Variants in SLC28A1 observed in about 807,000 individuals in gnomAD.
SLC28A1 encodes solute carrier family 28 member 1.
A neutral mutation model predicts 74.8 loss-of-function variants in SLC28A1; 64 were observed. The ratio of observed to expected loss-of-function variants is 0.86; its 90% CI spans 0.70 to 1.05. SLC28A1 has a LOEUF of 1.05. Ranked by LOEUF, SLC28A1 falls within the 50% of genes least tolerant of loss-of-function variation. The pLI is 0.00. For missense variants in SLC28A1, 828 were observed against 822.8 expected (o/e 1.01, Z -0.08); for synonymous variants, 359 against 335.0 (o/e 1.07, Z -0.78).
intron 1 of SLC28A1, among the ~76,000 whole-genome samples, chr15:84,885,560 C>A (rs1964496953): frequency 6.6e-6 from 1 of 151,668 alleles, no homozygotes; most frequent in Non-Finnish European, 1.5e-5. Flanking sequence ...GGAGAAACCC[C>A]ATCTCTACTA....
downstream of SLC28A1, among the ~76,000 whole-genome samples, chr15:84,950,457 C>T (rs1393771375): frequency 6.6e-6 from 1 of 151,392 alleles, no homozygotes; most frequent in Non-Finnish European, 1.5e-5. Context: ...GGCGCGGTAG[C>T]TCAGGCCTGT....
At chr15:84,956,468 C>CTTTCTTTCTTTCT in the SLC28A1 span, among the ~76,000 whole-genome samples, 4 of 67,054 alleles carry the variant, frequency 6.0e-5, no homozygotes, top group Admixed American at 5.3e-4. Context: ...TCTTTCTTTC[C>CTTTCTTTCTTTCT]TTCTTTCTTT....
chr15:84,928,025 A>G (rs1490138587), intron 12 of SLC28A1, among the ~76,000 whole-genome samples: 1 of 152,224 alleles, frequency 6.6e-6, no homozygotes, highest in African/African-American at 2.4e-5. Context: ...GTCATTACTT[A>G]GAACTTAAAC....
At chr15:84,925,617 G>T (rs542008770) in intron 12 of SLC28A1, among the ~76,000 whole-genome samples, 3 of 152,160 alleles carry the variant, frequency 2.0e-5, no homozygotes, top group East Asian at 1.9e-4. Context: ...GAAAAGAAAT[G>T]ATGGGGGTGG....
At chr15:84,902,306 C>G (rs544666714) in intron 6 of SLC28A1, among the ~76,000 whole-genome samples, 273 of 152,220 alleles carry the variant, frequency 1.8e-3, no homozygotes, top group Non-Finnish European at 3.1e-3. Context: ...ATGGTGAAAT[C>G]CCATCTCTTC....
intron 11 of SLC28A1, among the ~76,000 whole-genome samples, chr15:84,921,910 C>G (rs1183423402): frequency 6.6e-6 from 1 of 152,172 alleles, no homozygotes; most frequent in Non-Finnish European, 1.5e-5. Context: ...ATATGAAAGG[C>G]TGCAAATGTG....
At chr15:84,969,234 C>T in the SLC28A1 span, among the ~76,000 whole-genome samples, 9 of 152,288 alleles carry the variant, frequency 5.9e-5, no homozygotes, top group South Asian at 1.7e-3. Context: ...TTCCTAGCAA[C>T]CAGGAGAATT....
intron 9 of SLC28A1, 49 bp downstream of exon 9, chr15:84,908,844 G>A (rs749440317): frequency 2.7e-5 from 40 of 1,485,342 alleles, no homozygotes; most frequent in Non-Finnish European, 3.7e-5. Flanking sequence ...ACCGCCCAGC[G>A]ACTCCAGCTA....
At chr15:84,902,708 A>G (rs571458909) in intron 6 of SLC28A1, among the ~76,000 whole-genome samples, 2 of 151,850 alleles carry the variant, frequency 1.3e-5, no homozygotes, top group South Asian at 4.2e-4. Flanking sequence ...GTTAAAAATA[A>G]AAAATCTGAG....
intron 9 of SLC28A1, among the ~76,000 whole-genome samples, chr15:84,909,818 G>A (rs931959505): frequency 8.5e-5 from 13 of 152,254 alleles, no homozygotes; most frequent in East Asian, 3.8e-4. Context: ...ATCCGGGACC[G>A]CCATCACCAT....
At chr15:84,942,834 C>T (rs911387222) in intron 15 of SLC28A1, among the ~76,000 whole-genome samples, 1 of 152,084 alleles carries the variant, frequency 6.6e-6, no homozygotes, top group Non-Finnish European at 1.5e-5. Context: ...AGGGCCAAAG[C>T]GACAGGACTA....
chr15:84,907,196 C>T (rs998892968), intron 8 of SLC28A1, among the ~76,000 whole-genome samples: 5 of 152,174 alleles, frequency 3.3e-5, no homozygotes, highest in African/African-American at 1.2e-4. Flanking sequence ...TGATGTGGAA[C>T]TTTATAGCAT....
chr15:84,946,443 C>T (rs562957025), downstream of SLC28A1, among the ~76,000 whole-genome samples: 123 of 152,144 alleles, frequency 8.1e-4, no homozygotes, highest in African/African-American at 2.8e-3. Context: ...ACAACAACTT[C>T]ATGCAGTAGG....
chr15:84,889,665 CTTCCTTCCTTCT>C (rs1965061413), intron 4 of SLC28A1, among the ~76,000 whole-genome samples: 6 of 121,340 alleles, frequency 4.9e-5, no homozygotes, highest in South Asian at 5.4e-4. Flanking sequence ...CTTTTCTTTC[CTTCCTTCCTTCT>C]TTCCTTCCTT....
chr15:84,951,183 C>G, the SLC28A1 span, among the ~76,000 whole-genome samples: 1 of 152,056 alleles, frequency 6.6e-6, no homozygotes, highest in Non-Finnish European at 1.5e-5. Context: ...GGCCGTGGCT[C>G]GCCTCTGTAG....
chr15:84,959,659 A>G, the SLC28A1 span, among the ~76,000 whole-genome samples: 10 of 151,858 alleles, frequency 6.6e-5, no homozygotes, highest in African/African-American at 2.2e-4. Context: ...CTCTTTCCTC[A>G]TGGTTGGGTT....
At chr15:84,954,179 G>C in the SLC28A1 span, among the ~76,000 whole-genome samples, 1 of 152,170 alleles carries the variant, frequency 6.6e-6, no homozygotes, top group African/African-American at 2.4e-5. Flanking sequence ...CAGACCCATT[G>C]TTGAGGCCTA....
downstream of SLC28A1, among the ~76,000 whole-genome samples, chr15:84,949,806 T>A (rs891023430): frequency 1.3e-5 from 2 of 151,864 alleles, no homozygotes; most frequent in African/African-American, 4.8e-5. Context: ...CAGTTGTCAT[T>A]TAGGAGAGAA....
At chr15:84,963,837 A>G in the SLC28A1 span, among the ~76,000 whole-genome samples, 6 of 151,554 alleles carry the variant, frequency 4.0e-5, no homozygotes, top group Non-Finnish European at 7.4e-5. Context: ...CCCCTATTTC[A>G]CCTCTAGCCA....
Sources: gnomAD v4.1 joint callset for allele counts (sites outside exome capture counted in the v4.1 genomes callset) on GRCh38, gnomAD v4.1.1 for gene constraint, MANE v1.5 for transcripts, NCBI Gene and HGNC (gene_info 2026-07-23, HGNC 2026-07-21) for gene names.